Variants in ATP8A2 observed in about 807,000 individuals in gnomAD.
ATP8A2 encodes the protein phospholipid-transporting ATPase IB.
ATP8A2 carries 100 observed loss-of-function variants against 165.6 expected under a neutral mutation model. That is an observed-to-expected ratio of 0.60 (90% CI 0.51 to 0.71). The LOEUF (loss-of-function observed/expected upper bound fraction) is 0.71, where lower values mean the gene tolerates loss of function less well. Among genes scored for constraint, ATP8A2 ranks in the 30% least tolerant of loss-of-function variants. The pLI, the probability that ATP8A2 is intolerant of heterozygous loss-of-function variation, is 0.00. For missense variants in ATP8A2, 1,227 were observed against 1,479.5 expected, an observed-to-expected ratio of 0.83 and a Z score of 2.80; for synonymous variants, 543 against 548.8, an observed-to-expected ratio of 0.99 and a Z score of 0.15.
chr13:25,786,384 A>C (rs1268000257), intron 27 of ATP8A2, among the ~76,000 whole-genome samples: 1 of 152,200 alleles, frequency 6.6e-6, no homozygotes, highest in African/African-American at 2.4e-5. Context: ...CTGGTTTTTC[A>C]AACAGAGAGA....
rs142722639 is a variant in ATP8A2, at chr13:25,447,698, G to A, written c.77-21279G>A. On this transcript the variant is annotated intron_variant, in intron 1 of 36. Transcript: ENST00000381655. Reference sequence around the variant, plus strand: ...AATCAGCTCAGTGGAGGGTCAGGGTGACAGCCTTGTACTCTGCCATTTCAG... The same window carrying A: ...AATCAGCTCAGTGGAGGGTCAGGGTAACAGCCTTGTACTCTGCCATTTCAG... Among the ~76,000 whole-genome samples the A allele has an allele frequency of 8.3e-4, 127 of 152,310 alleles. 1 individual carries two copies. The highest frequency in any genetic ancestry group is 2.9e-3 in the African/African-American group (120 of 41,568).
chr13:25,594,252 A>G (rs1311113511), intron 24 of ATP8A2, among the ~76,000 whole-genome samples: 4 of 152,226 alleles, frequency 2.6e-5, no homozygotes, highest in African/African-American at 7.2e-5. Flanking sequence ...CGTGAATGAT[A>G]AATGTCTTTG....
chr13:25,791,495 T>C (rs1459015162), intron 27 of ATP8A2, among the ~76,000 whole-genome samples: 1 of 150,916 alleles, frequency 6.6e-6, no homozygotes, highest in Non-Finnish European at 1.5e-5. Context: ...AGTTTACCTA[T>C]GTAACAAACC....
chr13:25,841,646 T>C (rs569778127), intron 30 of ATP8A2, among the ~76,000 whole-genome samples: 2 of 152,346 alleles, frequency 1.3e-5, no homozygotes, highest in African/African-American at 4.8e-5. Flanking sequence ...ATTCCTGTTA[T>C]GTTCAAGACA....
intron 25 of ATP8A2, among the ~76,000 whole-genome samples, chr13:25,744,544 G>T (rs941642284): frequency 6.6e-6 from 1 of 152,188 alleles, no homozygotes; most frequent in Admixed American, 6.5e-5. Flanking sequence ...TTCACAATGA[G>T]ATCATTTCAG....
chr13:25,525,488 G>A (rs1438692080), intron 2 of ATP8A2, among the ~76,000 whole-genome samples: 1 of 152,144 alleles, frequency 6.6e-6, no homozygotes, highest in East Asian at 1.9e-4. Flanking sequence ...TTGTAAGATG[G>A]ATCTGGTGAT....
At chr13:25,617,167 T>C (rs1324286903) in intron 24 of ATP8A2, among the ~76,000 whole-genome samples, 1 of 152,198 alleles carries the variant, frequency 6.6e-6, no homozygotes, top group Admixed American at 6.5e-5. Flanking sequence ...TGCACTTGCA[T>C]GAAAACAACA....
intron 33 of ATP8A2, among the ~76,000 whole-genome samples, chr13:25,949,425 G>A (rs987140018): frequency 8.5e-5 from 13 of 152,214 alleles, no homozygotes; most frequent in African/African-American, 2.2e-4. Context: ...TTTGGCAATC[G>A]TTAGGCATCC....
chr13:25,737,850 A>AT (rs551576126), intron 25 of ATP8A2, among the ~76,000 whole-genome samples: 61 of 151,860 alleles, frequency 4.0e-4, no homozygotes, highest in East Asian at 1.4e-3. Context: ...TGCCTGACTA[A>AT]TTTTTTTGTA....
chr13:25,986,217 T>C (rs1956278709), intron 35 of ATP8A2, among the ~76,000 whole-genome samples: 1 of 152,176 alleles, frequency 6.6e-6, no homozygotes, highest in South Asian at 2.1e-4. Context: ...CTTGTGTGTG[T>C]GGTGAGAACA....
rs138273180 is a variant in ATP8A2 at position 25,984,825 on chromosome 13, G to A, written c.3377+16146G>A. On this transcript the variant is annotated intron_variant, in intron 35 of 36. Transcript: ENST00000381655. Reference sequence around the variant, plus strand: ...ATCAAGATCTCGGCAGCATGATCACGCAGAAACAAACAGAAACAAAGGAAT... The same window carrying A: ...ATCAAGATCTCGGCAGCATGATCACACAGAAACAAACAGAAACAAAGGAAT... 7.6e-3 allele frequency among the ~76,000 whole-genome samples: 1,161 copies of A among 152,168 alleles called. 23 individuals carry two copies. Among genetic ancestry groups the A allele is most frequent in the Non-Finnish European group, 6.1e-3 (413 of 67,998 alleles).
At chr13:25,778,299 A>G (rs1301941604) in intron 27 of ATP8A2, among the ~76,000 whole-genome samples, 1 of 152,244 alleles carries the variant, frequency 6.6e-6, no homozygotes, top group Non-Finnish European at 1.5e-5. Context: ...ATTTTTATTT[A>G]TACAACAACA....
At chr13:25,971,628 G>A (rs185523447) in intron 35 of ATP8A2, among the ~76,000 whole-genome samples, 51 of 152,136 alleles carry the variant, frequency 3.4e-4, no homozygotes, top group Admixed American at 7.2e-4. Context: ...AGGAAAGGAC[G>A]GTGACTTCAG....
At chr13:25,554,153 T>C (rs1288513423) in intron 12 of ATP8A2, among the ~76,000 whole-genome samples, 1 of 152,070 alleles carries the variant, frequency 6.6e-6, no homozygotes, top group Non-Finnish European at 1.5e-5. Context: ...GAGAATGGGG[T>C]GGAATGCTGA....
At chr13:25,698,450 C>G (rs2042881941) in intron 24 of ATP8A2, among the ~76,000 whole-genome samples, 2 of 152,080 alleles carry the variant, frequency 1.3e-5, no homozygotes. Flanking sequence ...TGAGGCTGGT[C>G]TTGAACTCCT....
intron 29 of ATP8A2, among the ~76,000 whole-genome samples, chr13:25,838,861 C>G (rs58507517): frequency 2.0e-4 from 30 of 152,228 alleles, no homozygotes; most frequent in African/African-American, 7.2e-4. Context: ...TAGTTAATAA[C>G]TCTGTCATCA....
At chr13:25,736,562 G>A (rs1234829458) in intron 25 of ATP8A2, among the ~76,000 whole-genome samples, 2 of 152,176 alleles carry the variant, frequency 1.3e-5, no homozygotes, top group Non-Finnish European at 2.9e-5. Flanking sequence ...TGAATGAAGG[G>A]TCAGTGTAAC....
At chr13:25,848,818 C>T (rs1458728860) in intron 30 of ATP8A2, among the ~76,000 whole-genome samples, 3 of 152,246 alleles carry the variant, frequency 2.0e-5, no homozygotes, top group East Asian at 1.9e-4. Flanking sequence ...TTCATAGTGT[C>T]GGAGGCAGAA....
chr13:25,572,839 A>G (rs1028401695), intron 18 of ATP8A2, among the ~76,000 whole-genome samples: 2 of 152,174 alleles, frequency 1.3e-5, no homozygotes, highest in African/African-American at 4.8e-5. Flanking sequence ...TTCACTTCCA[A>G]ATGGTATAAT....
Sources: gnomAD v4.1 joint callset for allele counts (sites outside exome capture counted in the v4.1 genomes callset) on GRCh38, gnomAD v4.1.1 for gene constraint, MANE v1.5 for transcripts, NCBI Gene and HGNC (gene_info 2026-07-23, HGNC 2026-07-21) for gene names.